Variants in NAPB observed in about 807,000 individuals in gnomAD.
NAPB encodes the protein NSF attachment protein beta, also known as beta-soluble NSF attachment protein.
In NAPB, 26 loss-of-function variants were observed where a neutral mutation model predicts 44.7. The observed-to-expected ratio is 0.58, with a 90% CI of 0.43 to 0.81. The LOEUF (loss-of-function observed/expected upper bound fraction) is 0.81, where lower values mean the gene tolerates loss of function less well. NAPB is among the 30% of genes least tolerant of loss of function. NAPB has a pLI of 0.00. For synonymous variants in NAPB, 120 were observed against 116.8 expected, an observed-to-expected ratio of 1.03 and a Z score of -0.18; for missense variants, 315 against 356.4, an observed-to-expected ratio of 0.88 and a Z score of 0.94.
chr20:23,377,586 TACTA>T (rs1314686379), intron 10 of NAPB, 100 bp from the exon 11 acceptor site: 1 of 521,286 alleles, frequency 1.9e-6, no homozygotes. Context: ...AGCCATAATC[TACTA>T]ACTTTCTTCA....
intron 1 of NAPB, among the ~76,000 whole-genome samples, chr20:23,403,429 C>G (rs1383642869): frequency 6.6e-6 from 1 of 152,098 alleles, no homozygotes; most frequent in Non-Finnish European, 1.5e-5. Context: ...ATGGTGAAAC[C>G]CCATCCCTAC....
intron 1 of NAPB, among the ~76,000 whole-genome samples, chr20:23,418,435 C>A (rs1047370328): frequency 2.0e-5 from 3 of 152,164 alleles, no homozygotes; most frequent in African/African-American, 7.2e-5. Context: ...GATACAGAAT[C>A]TTAATTGTCC....
At chr20:23,381,814 T>TA (rs1396849489) in intron 7 of NAPB, among the ~76,000 whole-genome samples, 5 of 152,102 alleles carry the variant, frequency 3.3e-5, no homozygotes. Context: ...AGAAAACACT[T>TA]AGACAATAAC....
intron 1 of NAPB, among the ~76,000 whole-genome samples, chr20:23,409,529 A>C (rs1262411452): frequency 6.6e-6 from 1 of 152,232 alleles, no homozygotes; most frequent in Non-Finnish European, 1.5e-5. Context: ...TACTTAAGAA[A>C]GATAATGGTA....
intron 7 of NAPB, among the ~76,000 whole-genome samples, chr20:23,388,174 G>A (rs568318823): frequency 6.6e-6 from 1 of 152,144 alleles, no homozygotes; most frequent in South Asian, 2.1e-4. Context: ...TCTTCAGAAT[G>A]CAGATCTTAG....
Position 23,417,228 on chromosome 20 carries a change from C to T in NAPB, c.98+4077G>A, listed in dbSNP as rs570381502. Among the ~76,000 whole-genome samples, 274 of 152,164 alleles carry T rather than the reference C, an allele frequency of 1.8e-3. 1 individual carries two copies. Among genetic ancestry groups the T allele is most frequent in the African/African-American group, 6.3e-3 (261 of 41,520 alleles). ...CCTACCAAGTAGCTGGTATTACAGG[C>T]GCCCGCCACCACGCCAGGCTAATTT... is the stretch of plus-strand genomic sequence containing the variant. On this transcript the variant is annotated intron_variant, in intron 1 of 10. Coordinates refer to ENST00000377026, the MANE Select transcript of NAPB (RefSeq NM_022080.3).
intron 1 of NAPB, among the ~76,000 whole-genome samples, chr20:23,413,230 A>G (rs77088331): frequency 1.4e-5 from 2 of 148,066 alleles, no homozygotes; most frequent in African/African-American, 2.5e-5. Flanking sequence ...GATCATAATG[A>G]AAAAAAAAAA....
chr20:23,394,609 T>C (rs1400009035), intron 5 of NAPB, among the ~76,000 whole-genome samples: 1 of 152,216 alleles, frequency 6.6e-6, no homozygotes, highest in African/African-American at 2.4e-5. Context: ...TACACTTTCT[T>C]CACTGGGCCT....
At chr20:23,419,748 A>G (rs1600609986) in intron 1 of NAPB, among the ~76,000 whole-genome samples, 1 of 152,372 alleles carries the variant, frequency 6.6e-6, no homozygotes, top group Non-Finnish European at 1.5e-5. Context: ...CCTACACATC[A>G]CATGAGAAAT....
At chr20:23,386,755 C>T (rs1245947002) in intron 7 of NAPB, among the ~76,000 whole-genome samples, 1 of 152,204 alleles carries the variant, frequency 6.6e-6, no homozygotes, top group African/African-American at 2.4e-5. Context: ...ACTGAAAGCT[C>T]TTCCTGGAAG....
Position 23,421,314 on chromosome 20 carries a change from C to T in NAPB, c.89G>A (p.Gly30Glu). ...RVKASHSFLR[G>E]LFGGNTRIEE... ...ACGGTCTGGCGCTCACCCAAACAGC[C>T]CTCGGAGGAAGGAGTGGGAGGCCTT... The change falls in exon 1 of 11, where the codon GGG becomes GAG. Residue 30 changes from glycine (G) to glutamate (E), a missense_variant. Gly to Glu is a moderately conservative substitution (Grantham distance 98, BLOSUM62 -2). Coordinates refer to ENST00000377026, the MANE Select transcript of NAPB (RefSeq NM_022080.3). 1 of 1,560,682 alleles carries T rather than the reference C, an allele frequency of 6.4e-7. No individual in the cohort carries two copies. The highest frequency in any genetic ancestry group is 8.7e-7 in the Non-Finnish European group (1 of 1,152,166).
intron 1 of NAPB, among the ~76,000 whole-genome samples, chr20:23,413,141 T>A (rs928800553): frequency 1.3e-5 from 2 of 151,692 alleles, no homozygotes; most frequent in Non-Finnish European, 2.9e-5. Flanking sequence ...GAAAAAAAAA[T>A]TTTAAGTAAA....
At chr20:23,383,659 T>C (rs1179642356) in intron 7 of NAPB, among the ~76,000 whole-genome samples, 1 of 152,184 alleles carries the variant, frequency 6.6e-6, no homozygotes, top group African/African-American at 2.4e-5. Flanking sequence ...CTAAGAAAAT[T>C]TGTTGTCAGC....
At chr20:23,384,627 A>AAAAG (rs985135886) in intron 7 of NAPB, among the ~76,000 whole-genome samples, 1 of 152,160 alleles carries the variant, frequency 6.6e-6, no homozygotes, top group African/African-American at 2.4e-5. Context: ...GTCTCAAAAA[A>AAAAG]AAAGAAAGAA....
intron 1 of NAPB, among the ~76,000 whole-genome samples, chr20:23,406,176 C>T (rs1208276125): frequency 2.0e-5 from 3 of 152,134 alleles, no homozygotes; most frequent in African/African-American, 7.2e-5. Flanking sequence ...ACTTTCCAGC[C>T]CCCAAAAACT....
intron 2 of NAPB, among the ~76,000 whole-genome samples, chr20:23,399,988 A>G (rs921236771): frequency 9.9e-5 from 15 of 152,082 alleles, no homozygotes; most frequent in Non-Finnish European, 1.8e-4. Context: ...CTGGCATTTC[A>G]TTTTTGATAA....
At chr20:23,396,037 A>C (rs1984336171) in intron 3 of NAPB, among the ~76,000 whole-genome samples, 1 of 152,238 alleles carries the variant, frequency 6.6e-6, no homozygotes, top group South Asian at 2.1e-4. Context: ...GAGAAAAATA[A>C]TCTATCAATA....
chr20:23,399,256 T>C (rs1016774351), intron 2 of NAPB, among the ~76,000 whole-genome samples: 4 of 152,278 alleles, frequency 2.6e-5, no homozygotes, highest in Non-Finnish European at 5.9e-5. Context: ...CCAAAATTTG[T>C]ATTACTGGAG....
chr20:23,402,249 C>T (rs563372344), intron 2 of NAPB, among the ~76,000 whole-genome samples: 4 of 152,260 alleles, frequency 2.6e-5, no homozygotes, highest in African/African-American at 9.6e-5. Flanking sequence ...TGAGCCAGAG[C>T]ACAACACCCA....
Sources: allele counts gnomAD v4.1 joint callset (sites outside exome capture counted in the v4.1 genomes callset), GRCh38; gene constraint gnomAD v4.1.1; transcripts MANE v1.5; gene names NCBI Gene and HGNC (gene_info 2026-07-23, HGNC 2026-07-21).